GABRQ: variants seen among roughly 807,000 people sequenced by gnomAD.
The protein encoded by GABRQ is gamma-aminobutyric acid receptor subunit theta.
Under a neutral mutation model 30.5 loss-of-function variants are expected in GABRQ, and 19 were observed. The observed-to-expected ratio is 0.62, with a 90% CI of 0.43 to 0.91. GABRQ has a LOEUF of 0.91. Ranked by LOEUF, GABRQ falls within the 40% of genes least tolerant of loss-of-function variation. The pLI is 0.00. For missense variants in GABRQ, 520 were observed against 521.4 expected (o/e 1.00, Z 0.03); for synonymous variants, 187 against 210.2 (o/e 0.89, Z 0.95).
downstream of GABRQ, chrX:152,657,555 G>A (rs1171668609): frequency 2.7e-5 from 3 of 111,968 alleles, no homozygotes; most frequent in Non-Finnish European, 5.6e-5. Flanking sequence ...AGGTCATCGT[G>A]TTTCCTCTCT....
chrX:152,640,251 G>C (rs1435922019), intron 1 of GABRQ, 127 bp from the exon 2 acceptor site: 4 of 517,867 alleles, frequency 7.7e-6, no homozygotes, highest in Middle Eastern at 3.5e-4. Flanking sequence ...AGCAGGGAGA[G>C]AGAGTGTGTA....
intron 2 of GABRQ, among the ~76,000 whole-genome samples, chrX:152,643,285 AC>A (rs1930801982): frequency 8.9e-6 from 1 of 112,280 alleles, no homozygotes. Flanking sequence ...TCTGGGCTGT[AC>A]CCCAACACAG....
chrX:152,647,762 C>G (rs1403781599), intron 4 of GABRQ, among the ~76,000 whole-genome samples: 1 of 111,549 alleles, frequency 9.0e-6, no homozygotes, highest in Non-Finnish European at 1.9e-5. Flanking sequence ...AACCTCCTCA[C>G]TAGTCTAGTT....
At chrX:152,642,106 G>A (rs1191552942) in intron 2 of GABRQ, among the ~76,000 whole-genome samples, 2 of 111,672 alleles carry the variant, frequency 1.8e-5, no homozygotes, top group Admixed American at 9.5e-5. Context: ...TAGCCAAACC[G>A]ATGAAGGTAG....
intron 2 of GABRQ, among the ~76,000 whole-genome samples, chrX:152,642,098 G>A (rs1930772469): frequency 9.0e-6 from 1 of 111,666 alleles, no homozygotes; most frequent in Non-Finnish European, 1.9e-5. Context: ...GCTTGATTTA[G>A]CCAAACCGAT....
In GABRQ at chrX:152,652,782, G is replaced by T; in HGVS notation, c.1400G>T (p.Arg467Leu). ...CAGGCCCGGCACAGCTATGGTGTTCGCTTTAATGGTTTCCAGGCTGATGAC... is the reference window on the plus strand; with the variant it reads ...CAGGCCCGGCACAGCTATGGTGTTCTCTTTAATGGTTTCCAGGCTGATGAC... Reference protein sequence around the residue: ...SEQARHSYGVRFNGFQADDSI... With the variant: ...SEQARHSYGVLFNGFQADDSI... The change falls in exon 9 of 9, where the codon CGC (arginine) becomes CTC (leucine). Residue 467 changes from arginine (R) to leucine (L), a missense_variant. Coordinates refer to ENST00000598523, the MANE Select transcript of GABRQ (RefSeq NM_018558.4). 8.3e-7 allele frequency: 1 copy of T among 1,211,318 alleles called. No individual in the cohort carries two copies. Among genetic ancestry groups the T allele is most frequent in the Non-Finnish European group, 1.1e-6 (1 of 895,371 alleles).
rs1931078025 is a variant in GABRQ, at chrX:152,653,184, C to T, written c.1802C>T (p.Pro601Leu). ...GGGTTCTCCTTCGATCTCTTTAATC[C>T]TGACTACGTCCCAAAGGTCGACAAG... Reference protein sequence around the residue: ...TEGFSFDLFNPDYVPKVDKWS... With the variant: ...TEGFSFDLFNLDYVPKVDKWS... Residue 601 changes from proline to leucine, a missense_variant, in exon 9 of 9, where the codon CCT (proline) becomes CTT (leucine). Transcript: ENST00000598523. The T allele has an allele frequency of 2.5e-6, 3 of 1,207,964 alleles. No homozygotes were observed. The highest frequency in any genetic ancestry group is 1.8e-5 in the South Asian group (1 of 56,709).
intron 3 of GABRQ, among the ~76,000 whole-genome samples, chrX:152,646,113 A>G (rs1217132063): frequency 8.9e-6 from 1 of 112,920 alleles, no homozygotes; most frequent in Non-Finnish European, 1.9e-5. Flanking sequence ...ACCGATAGAA[A>G]AATTATCAGA....
At chrX:152,657,691 A>T, downstream of GABRQ, among the ~76,000 whole-genome samples, 2 of 111,931 alleles carry the variant, frequency 1.8e-5, no homozygotes, top group Non-Finnish European at 3.8e-5. Flanking sequence ...AGGACAGTGG[A>T]AGCCATGGTT....
In GABRQ at chrX:152,643,117, G is replaced by C. The variant is rs782423385; in HGVS notation, c.239-2410G>C. Among the ~76,000 whole-genome samples, 127 of 112,243 alleles carry C rather than the reference G, an allele frequency of 1.1e-3. 1 individual carries two copies. Among genetic ancestry groups the C allele is most frequent in the African/African-American group, 2.2e-3 (69 of 30,863 alleles). On this transcript the variant is annotated intron_variant, in intron 2 of 8. Coordinates refer to ENST00000598523, the MANE Select transcript of GABRQ (RefSeq NM_018558.4). The stretch of plus-strand genomic sequence containing the variant: ...GTCTAACACTGAGGTGTAGCTGGCT[G>C]GCCCCTCTGGAGCTTGTTGCCTGCC...
chrX:152,638,581 A>C (rs1352369267), intron 1 of GABRQ, among the ~76,000 whole-genome samples: 1 of 111,051 alleles, frequency 9.0e-6, no homozygotes, highest in Non-Finnish European at 1.9e-5. Flanking sequence ...GTTACTGCGG[A>C]GCTTGACTGA....
rs1602810402 is a variant in GABRQ, at chrX:152,638,012, G to C, written c.-191G>C. On this transcript the variant is annotated 5_prime_UTR_variant, in exon 1 of 9. Transcript: ENST00000598523. The stretch of plus-strand genomic sequence containing the variant: ...TTGCTCCTCCCGGGCTCTCATCTCC[G>C]GTATCCGGGCCGACCCCCGCACCCC... 2.7e-5 allele frequency among the ~76,000 whole-genome samples: 3 copies of C among 112,874 alleles called. No individual in the cohort carries two copies. In the South Asian group the frequency reaches 1.1e-3, roughly 41 times the overall value.
downstream of GABRQ, among the ~76,000 whole-genome samples, chrX:152,658,697 T>C (rs1216185175): frequency 8.9e-6 from 1 of 111,920 alleles, no homozygotes; most frequent in East Asian, 2.8e-4. Context: ...AATAGCAGAT[T>C]CTCTTACTGG....
In GABRQ at chrX:152,649,725, GTT is replaced by G. The variant is rs1413075982; in HGVS notation, c.611-15_611-14del. 8.5e-7 allele frequency: 1 copy of G among 1,173,541 alleles called. No homozygotes were observed. Among genetic ancestry groups the G allele is most frequent in the African/African-American group, 1.8e-5 (1 of 56,271 alleles). On this transcript the variant is annotated splice_polypyrimidine_tract_variant and intron_variant, in intron 5 of 8. Coordinates refer to ENST00000598523, the MANE Select transcript of GABRQ (RefSeq NM_018558.4). ...TTTCTAAGAATCTGAGACTACCTCT[GTT>G]TCTCTCCTTCCCAGATGGTTACACG...
Position 152,647,128 on chromosome X carries a change from T to G in GABRQ, c.487T>G (p.Phe163Val). The G allele has an allele frequency of 8.3e-7, 1 of 1,210,576 alleles. No individual in the cohort carries two copies. Among genetic ancestry groups the G allele is most frequent in the Non-Finnish European group, 1.1e-6 (1 of 894,438 alleles). ...VHDVTVENRV[F>V]QLHPDGTVRY... ...TGATGTGACTGTGGAGAATCGCGTG[T>G]TTCAGCTTCACCCAGATGGAACGGT... The change falls in exon 4 of 9, where the codon TTT becomes GTT. Residue 163 changes from phenylalanine (F) to valine (V), a missense_variant. Transcript: ENST00000598523.
chrX:152,640,791 A>G (rs901940334), intron 2 of GABRQ, among the ~76,000 whole-genome samples: 2 of 111,923 alleles, frequency 1.8e-5, no homozygotes, highest in African/African-American at 6.5e-5. Context: ...TCCTCAGGCT[A>G]GAGTTTTCTG....
chrX:152,642,308 G>A (rs1930777949), intron 2 of GABRQ, among the ~76,000 whole-genome samples: 1 of 111,814 alleles, frequency 8.9e-6, no homozygotes, highest in Non-Finnish European at 1.9e-5. Context: ...CTCTGTGTGA[G>A]AGGTGGAGTA....
rs899825329 is a variant in GABRQ, at chrX:152,656,948, G to A, written c.*3667G>A. ...TTATCAGTGTTGGGTTTTCAGGGGA[G>A]GGAGGGAGAGGATGTTAAAGTCTCT... is the stretch of plus-strand genomic sequence containing the variant. On this transcript the variant is annotated 3_prime_UTR_variant, in exon 9 of 9. Transcript: ENST00000598523. 1 of 111,768 alleles carries A rather than the reference G, an allele frequency of 8.9e-6. No individual in the cohort carries two copies. Among genetic ancestry groups the A allele is most frequent in the East Asian group, 2.8e-4 (1 of 3,550 alleles). 9.2% of individuals were successfully genotyped at this position (111,768 alleles called of 1,213,427 possible).
In GABRQ at chrX:152,651,761, AGTG is replaced by A. The variant is rs1455610599; in HGVS notation, c.1143_1145del (p.Val382del). 3.3e-6 allele frequency: 4 copies of A among 1,209,386 alleles called. No homozygotes were observed. The highest frequency in any genetic ancestry group is 1.7e-5 in the African/African-American group (1 of 57,346). ...TCATTGCCCGCTACCGCTACCAGCA[AGTG>A]GTGGTAGGAAACGTGCAGGTTTGAC... On this transcript the variant is annotated inframe_deletion, in exon 8 of 9. Transcript: ENST00000598523.
Sources: allele counts gnomAD v4.1 joint callset (sites outside exome capture counted in the v4.1 genomes callset), GRCh38; gene constraint gnomAD v4.1.1; transcripts MANE v1.5; gene names NCBI Gene and HGNC (gene_info 2026-07-23, HGNC 2026-07-21).